Variants in ST6GALNAC5 observed in about 807,000 individuals in gnomAD.
ST6GALNAC5 encodes ST6 N-acetylgalactosaminide alpha-2,6-sialyltransferase 5.
ST6GALNAC5 carries 27 observed loss-of-function variants against 33.6 expected under a neutral mutation model. That is an observed-to-expected ratio of 0.80 (90% confidence interval 0.59 to 1.11). The LOEUF (loss-of-function observed/expected upper bound fraction) is 1.11, where lower values mean the gene tolerates loss of function less well. ST6GALNAC5 is among the 50% of genes least tolerant of loss of function. ST6GALNAC5 has a pLI of 0.00. For missense variants in ST6GALNAC5, 428 were observed against 454.0 expected (o/e 0.94, Z 0.52); for synonymous variants, 194 against 171.2 (o/e 1.13, Z -1.04).
At chr1:76,967,356 T>A (rs1191469180) in intron 2 of ST6GALNAC5, among the ~76,000 whole-genome samples, 1 of 152,200 alleles carries the variant, frequency 6.6e-6, no homozygotes. Context: ...ATTTATCCAT[T>A]TCTTCTATAT....
intron 2 of ST6GALNAC5, among the ~76,000 whole-genome samples, chr1:76,998,191 G>T (rs539147142): frequency 6.6e-6 from 1 of 152,004 alleles, no homozygotes; most frequent in Non-Finnish European, 1.5e-5. Flanking sequence ...ACAGTAAATT[G>T]GTACCAGGAG....
chr1:76,929,554 A>G lies in ST6GALNAC5; in HGVS notation c.261+60812A>G, dbSNP rs78061737. ...ACCCCATCTCTAAGAAGAAGAAAAAAACTGCATCTGGAGCTTTGCTACTTG... is the reference window on the plus strand; with the variant it reads ...ACCCCATCTCTAAGAAGAAGAAAAAGACTGCATCTGGAGCTTTGCTACTTG... On this transcript the variant is annotated intron_variant, in intron 2 of 4. Transcript: ENST00000477717. Among the ~76,000 whole-genome samples the G allele has an allele frequency of 2.1e-4, 32 of 152,208 alleles. No homozygotes were observed. In the East Asian group the frequency reaches 5.6e-3, roughly 27 times the overall value.
intron 2 of ST6GALNAC5, among the ~76,000 whole-genome samples, chr1:76,920,074 C>A (rs932620213): frequency 6.6e-6 from 1 of 152,094 alleles, no homozygotes; most frequent in African/African-American, 2.4e-5. Flanking sequence ...GTGTTATATT[C>A]ATCTTTCTGG....
chr1:76,993,717 C>T (rs1218305910), intron 2 of ST6GALNAC5, among the ~76,000 whole-genome samples: 2 of 152,278 alleles, frequency 1.3e-5, no homozygotes, highest in Non-Finnish European at 2.9e-5. Flanking sequence ...TTCTCTACTA[C>T]GTTACGTTTA....
At chr1:76,920,768 A>G (rs1243523013) in intron 2 of ST6GALNAC5, among the ~76,000 whole-genome samples, 1 of 152,194 alleles carries the variant, frequency 6.6e-6, no homozygotes, top group Non-Finnish European at 1.5e-5. Flanking sequence ...TGGCATTTAT[A>G]CTGGAGAGTA....
Position 76,922,572 on chromosome 1 carries a change from A to G in ST6GALNAC5, c.261+53830A>G, listed in dbSNP as rs574847468. On this transcript the variant is annotated intron_variant, in intron 2 of 4. Transcript: ENST00000477717. ...CTTGAAAAAGAAACAAAGTGAGACT[A>G]TTCACTCTACCTGATATAGCTATGG... Among the ~76,000 whole-genome samples, 6 of 152,310 alleles carry G rather than the reference A, an allele frequency of 3.9e-5. No individual in the cohort carries two copies. The East Asian group carries it at 7.7e-4, about 20-fold the overall frequency.
chr1:76,939,849 C>G (rs1397175529), intron 2 of ST6GALNAC5, among the ~76,000 whole-genome samples: 1 of 152,124 alleles, frequency 6.6e-6, no homozygotes, highest in Non-Finnish European at 1.5e-5. Flanking sequence ...AAATATGAGA[C>G]TCCCTGGATT....
intron 2 of ST6GALNAC5, among the ~76,000 whole-genome samples, chr1:76,984,701 A>T (rs948089067): frequency 6.6e-6 from 1 of 152,226 alleles, no homozygotes; most frequent in Non-Finnish European, 1.5e-5. Context: ...AGGCTGGCAG[A>T]GACACAACAG....
In ST6GALNAC5 at chr1:77,050,247, G is replaced by T. The variant is rs1570138776; in HGVS notation, c.672-11G>T. 2.2e-5 allele frequency: 35 copies of T among 1,612,160 alleles called. No individual in the cohort carries two copies. Among genetic ancestry groups the T allele is most frequent in the South Asian group, 4.4e-5 (4 of 90,986 alleles). On this transcript the variant is annotated splice_polypyrimidine_tract_variant and intron_variant, in intron 3 of 4. Coordinates refer to ENST00000477717, the MANE Select transcript of ST6GALNAC5 (RefSeq NM_030965.3). ...TTACCAGCTTGCAGACTTAATTATT[G>T]TTCCTTCCAGGAAGATATCCAACAC...
chr1:77,005,349 C>A (rs890733478), intron 2 of ST6GALNAC5, among the ~76,000 whole-genome samples: 17 of 152,292 alleles, frequency 1.1e-4, no homozygotes, highest in Admixed American at 6.5e-4. Context: ...TGCTTCGGCT[C>A]GCGCACGGTG....
chr1:77,045,237 G>A (rs1651969100), intron 3 of ST6GALNAC5, among the ~76,000 whole-genome samples: 1 of 152,216 alleles, frequency 6.6e-6, no homozygotes, highest in Non-Finnish European at 1.5e-5. Flanking sequence ...GGCACTGAAA[G>A]ATTTTTTTTC....
Position 77,032,224 on chromosome 1 carries a change from G to T in ST6GALNAC5, c.262-11980G>T, listed in dbSNP as rs568660824. Among the ~76,000 whole-genome samples the T allele has an allele frequency of 5.3e-5, 8 of 152,250 alleles. No homozygotes were observed. In the East Asian group the frequency reaches 1.5e-3, roughly 29 times the overall value. On this transcript the variant is annotated intron_variant, in intron 2 of 4. Coordinates refer to ENST00000477717, the MANE Select transcript of ST6GALNAC5 (RefSeq NM_030965.3). ...TACAAGGTCGAGCAAAGGCAGTGTG[G>T]CTGGAGTAGAGAGGAACCATGAGAG...
At chr1:76,876,511 G>T (rs761081256) in intron 2 of ST6GALNAC5, among the ~76,000 whole-genome samples, 2 of 152,046 alleles carry the variant, frequency 1.3e-5, no homozygotes, top group African/African-American at 4.8e-5. Flanking sequence ...CACATTTTTT[G>T]ACCCCTCAGA....
At chr1:76,894,655 T>C (rs2100254706) in intron 2 of ST6GALNAC5, among the ~76,000 whole-genome samples, 1 of 152,338 alleles carries the variant, frequency 6.6e-6, no homozygotes, top group African/African-American at 2.4e-5. Context: ...TAAGTGAAGA[T>C]GGTGATGTTC....
intron 2 of ST6GALNAC5, among the ~76,000 whole-genome samples, chr1:77,021,823 GA>G (rs34346270): frequency 0.29 from 43,850 of 152,006 alleles, 6,838 homozygotes; most frequent in African/African-American, 0.4. Context: ...ATGCACATTG[GA>G]AAACCACTCT....
Position 76,974,172 on chromosome 1 carries a change from T to C in ST6GALNAC5, c.262-70032T>C, listed in dbSNP as rs191911954. 3.4e-3 allele frequency among the ~76,000 whole-genome samples: 515 copies of C among 151,910 alleles called. 4 individuals carry two copies. The highest frequency in any genetic ancestry group is 0.011 in the African/African-American group (475 of 41,492). Reference sequence around the variant, plus strand: ...TCTTCATTTCTAAAAATGTAGTATGTCTTTTCATTTGTTGAAGTATTCTTT... The same window carrying C: ...TCTTCATTTCTAAAAATGTAGTATGCCTTTTCATTTGTTGAAGTATTCTTT... On this transcript the variant is annotated intron_variant, in intron 2 of 4. Transcript: ENST00000477717.
intron 2 of ST6GALNAC5, among the ~76,000 whole-genome samples, chr1:77,015,702 G>T (rs1200509284): frequency 6.6e-6 from 1 of 152,060 alleles, no homozygotes; most frequent in Non-Finnish European, 1.5e-5. Flanking sequence ...GGGTGGCAGA[G>T]GGTCCAGCAA....
At chr1:76,915,884 A>C (rs544110833) in intron 2 of ST6GALNAC5, among the ~76,000 whole-genome samples, 3 of 130,558 alleles carry the variant, frequency 2.3e-5, no homozygotes, top group East Asian at 4.1e-4. Flanking sequence ...ACAAAAAAAA[A>C]ACAAAAAAAC....
chr1:77,064,275 C>A lies in ST6GALNAC5; in HGVS notation c.*1069C>A, dbSNP rs1401729924. ...GGAACTTTATTTTGGGGAGCCTTATCTACATTCATATTACTTATATCACTC... is the reference window on the plus strand; with the variant it reads ...GGAACTTTATTTTGGGGAGCCTTATATACATTCATATTACTTATATCACTC... On this transcript the variant is annotated 3_prime_UTR_variant, in exon 5 of 5. Transcript: ENST00000477717. 6.6e-6 allele frequency: 1 copy of A among 152,046 alleles called. No homozygotes were observed. The highest frequency in any genetic ancestry group is 2.4e-5 in the African/African-American group (1 of 41,370). 9.4% of individuals were successfully genotyped at this position (152,046 alleles called of 1,614,324 possible). A position where few individuals can be genotyped will look rare whatever the true frequency, so the allele number is the denominator to read the frequency against.
Sources: gnomAD v4.1 joint callset for allele counts (sites outside exome capture counted in the v4.1 genomes callset) on GRCh38, gnomAD v4.1.1 for gene constraint, MANE v1.5 for transcripts, NCBI Gene and HGNC (gene_info 2026-07-23, HGNC 2026-07-21) for gene names.